The following GINS2 variants were observed in gnomAD, a reference collection of about 807,000 sequenced individuals.
GINS2 encodes DNA replication complex GINS protein PSF2.
GINS2 carries 23 observed loss-of-function variants against 21.2 expected under a neutral mutation model. The ratio of observed to expected loss-of-function variants is 1.08; its 90% CI spans 0.78 to 1.53. GINS2 has a LOEUF of 1.53. Among genes scored for constraint, GINS2 ranks in the 40% most tolerant of loss-of-function variants. GINS2 has a pLI of 0.00. For synonymous variants in GINS2, 118 were observed against 85.6 expected (o/e 1.38, Z -2.09); for missense variants, 323 against 233.9 (o/e 1.38, Z -2.49).
intron 4 of GINS2, 80 bp from the exon 5 acceptor site, chr16:85,678,417 G>A (rs2053703723): frequency 6.4e-7 from 1 of 1,565,038 alleles, no homozygotes; most frequent in Admixed American, 1.7e-5. Flanking sequence ...ATAAAAATAA[G>A]AAACCAATGA....
At position 85,676,293 on chromosome 16, in the gene GINS2, C is replaced by T. The variant is rs1010056878; in HGVS notation, c.*1919G>A. 6.6e-6 allele frequency: 1 copy of T among 152,298 alleles called. No homozygotes were observed. Among genetic ancestry groups the T allele is most frequent in the African/African-American group, 2.4e-5 (1 of 41,466 alleles). 9.4% of individuals were successfully genotyped at this position (152,298 alleles called of 1,614,324 possible). A position where few individuals can be genotyped will look rare whatever the true frequency, so the allele number is the denominator to read the frequency against. ...ATCTCCGCAGACGGAGCTGCCTCCACTGGCTCAGGCTCTAAGAGGAGGGCA... is the reference window on the plus strand; with the variant it reads ...ATCTCCGCAGACGGAGCTGCCTCCATTGGCTCAGGCTCTAAGAGGAGGGCA... On this transcript the variant is annotated 3_prime_UTR_variant, in exon 5 of 5. Transcript: ENST00000253462.
Position 85,678,146 on chromosome 16 carries a change from C to T in GINS2, c.*66G>A. 2 of 1,472,758 alleles carry T rather than the reference C, an allele frequency of 1.4e-6. No individual in the cohort carries two copies. Among genetic ancestry groups the T allele is most frequent in the Non-Finnish European group, 1.9e-6 (2 of 1,066,460 alleles). 91.2% of individuals were successfully genotyped at this position (1,472,758 alleles called of 1,614,324 possible). A position where few individuals can be genotyped will look rare whatever the true frequency, so the allele number is the denominator to read the frequency against. On this transcript the variant is annotated 3_prime_UTR_variant, in exon 5 of 5. Transcript: ENST00000253462. ...AGAAGTGTTTCTAGAGCTCCAGAAC[C>T]ACGAGTACCTCATCACGTCCTGAGC...
chr16:85,678,397 ACT>A (rs2053703548), intron 4 of GINS2, 60 bp from the exon 5 acceptor site: 1 of 1,590,056 alleles, frequency 6.3e-7, no homozygotes, highest in South Asian at 1.1e-5. Flanking sequence ...AAAAAGGTAA[ACT>A]CTACTGAATA....
chr16:85,685,309 ACAC>A, intron 2 of GINS2, among the ~76,000 whole-genome samples: 1 of 152,282 alleles, frequency 6.6e-6, no homozygotes, highest in Middle Eastern at 3.4e-3. Context: ...AAAGTGCCAG[ACAC>A]TGATTTTAAA....
At chr16:85,679,730 C>T (rs994748400) in intron 3 of GINS2, among the ~76,000 whole-genome samples, 1 of 152,200 alleles carries the variant, frequency 6.6e-6, no homozygotes, top group Non-Finnish European at 1.5e-5. Context: ...GATAGGCCCC[C>T]TCACCTAGCT....
At chr16:85,687,731 C>G (rs1598764179) in intron 1 of GINS2, 157 bp from the exon 2 acceptor site, 7 of 427,122 alleles carry the variant, frequency 1.6e-5, no homozygotes, top group Non-Finnish European at 3.1e-5. Context: ...GAACAAAGCG[C>G]CTCCTGAGCG....
rs772640166 is a variant in GINS2 at position 85,687,584 on chromosome 16, G to C, written c.91-10C>G. The C allele has an allele frequency of 6.1e-6, 9 of 1,464,930 alleles. No homozygotes were observed. In the South Asian group the frequency reaches 1.0e-4, roughly 17 times the overall value. 90.7% of individuals were successfully genotyped at this position (1,464,930 alleles called of 1,614,324 possible). A position where few individuals can be genotyped will look rare whatever the true frequency, so the allele number is the denominator to read the frequency against. On this transcript the variant is annotated splice_polypyrimidine_tract_variant and intron_variant, in intron 1 of 4. Coordinates refer to ENST00000253462, the MANE Select transcript of GINS2 (RefSeq NM_016095.3). ...AAGGCCCCAGGTCCCCCTGCCAAAA[G>C]TAAAACAATTCCCCGTAAGATTGAA...
rs570658284 is a variant in GINS2 at position 85,678,124 on chromosome 16, A to C, written c.*88T>G. 1.8e-6 allele frequency: 2 copies of C among 1,124,974 alleles called. No homozygotes were observed. The highest frequency in any genetic ancestry group is 3.1e-5 in the African/African-American group (2 of 64,432). The allele number at this position is 1,124,974 out of a possible 1,614,324, so 69.7% of individuals were successfully genotyped here. Reference sequence around the variant, plus strand: ...CATCACACATTTTTCATGCATCAGAAGTGTTTCTAGAGCTCCAGAACCACG... The same window carrying C: ...CATCACACATTTTTCATGCATCAGACGTGTTTCTAGAGCTCCAGAACCACG... On this transcript the variant is annotated 3_prime_UTR_variant, in exon 5 of 5. Coordinates refer to ENST00000253462, the MANE Select transcript of GINS2 (RefSeq NM_016095.3).
Position 85,688,905 on chromosome 16 carries a change from G to T in GINS2, c.-7C>A. 6.5e-7 allele frequency: 1 copy of T among 1,531,130 alleles called. No homozygotes were observed. The highest frequency in any genetic ancestry group is 8.8e-7 in the Non-Finnish European group (1 of 1,135,712). 94.8% of individuals were successfully genotyped at this position (1,531,130 alleles called of 1,614,324 possible). On this transcript the variant is annotated 5_prime_UTR_variant, in exon 1 of 5. Transcript: ENST00000253462. ...CGACCTCGGCAGCGTCCATGGCGGC[G>T]CGAGCTGCAGGCCAGAGCCTCACGG...
chr16:85,685,681 A>AAAAACAAAACAAAAAAAACAAC (rs1567792824), intron 2 of GINS2, among the ~76,000 whole-genome samples: 3 of 147,950 alleles, frequency 2.0e-5, no homozygotes, highest in African/African-American at 7.6e-5. Flanking sequence ...AAAAAAAAAA[A>AAAAACAAAACAAAAAAAACAAC]AAAAAAAAAA....
rs1370808682 is a variant in GINS2, at chr16:85,677,339, CCT to C, written c.*871_*872del. On this transcript the variant is annotated 3_prime_UTR_variant, in exon 5 of 5. Coordinates refer to ENST00000253462, the MANE Select transcript of GINS2 (RefSeq NM_016095.3). ...TTCTCTTAGGAAAAAAATAATTTCC[CCT>C]GAGCCCACTGTTACCTACAACAAAG... The C allele has an allele frequency of 2.0e-5, 3 of 152,184 alleles. No homozygotes were observed. Among genetic ancestry groups the C allele is most frequent in the African/African-American group, 4.8e-5 (2 of 41,430 alleles). The allele number at this position is 152,184 out of a possible 1,614,324, so 9.4% of individuals were successfully genotyped here.
intron 3 of GINS2, 74 bp from the exon 4 acceptor site, chr16:85,678,740 T>C: frequency 6.9e-7 from 1 of 1,441,296 alleles, no homozygotes; most frequent in Non-Finnish European, 9.6e-7. Context: ...AGTGGCTCTT[T>C]TCAGGCAAAA....
In GINS2 at chr16:85,688,892, C is replaced by G; in HGVS notation, c.7G>C (p.Ala3Pro). The change falls in exon 1 of 5, where the codon GCT becomes CCT. Residue 3 changes from alanine (A) to proline (P), a missense_variant. Ala to Pro is a conservative substitution (Grantham distance 27). Transcript: ENST00000253462. ...TCGGCGAGGAATTCGACCTCGGCAG[C>G]GTCCATGGCGGCGCGAGCTGCAGGC... is the stretch of plus-strand genomic sequence containing the variant. MD[A>P]AEVEFLAEKE... 6.5e-7 allele frequency: 1 copy of G among 1,537,328 alleles called. No homozygotes were observed. The highest frequency in any genetic ancestry group is 8.8e-7 in the Non-Finnish European group (1 of 1,139,996).
intron 2 of GINS2, among the ~76,000 whole-genome samples, chr16:85,682,628 C>A (rs2053743769): frequency 6.6e-6 from 1 of 152,060 alleles, no homozygotes; most frequent in Non-Finnish European, 1.5e-5. Context: ...GGCTAAGCCA[C>A]CCCAGCCGGG....
chr16:85,687,367 G>A (rs2053786137), intron 2 of GINS2, 93 bp downstream of exon 2: 2 of 647,822 alleles, frequency 3.1e-6, no homozygotes, highest in Non-Finnish European at 5.4e-6. Flanking sequence ...GACCTAGTCA[G>A]GAAGGAGGCC....
In GINS2 at chr16:85,678,113, C is replaced by A; in HGVS notation, c.*99G>T. The A allele has an allele frequency of 9.9e-7, 1 of 1,007,482 alleles. No individual in the cohort carries two copies. Among genetic ancestry groups the A allele is most frequent in the South Asian group, 1.5e-5 (1 of 65,078 alleles). 62.4% of individuals were successfully genotyped at this position (1,007,482 alleles called of 1,614,324 possible). A position where few individuals can be genotyped will look rare whatever the true frequency, so the allele number is the denominator to read the frequency against. ...ATTCCTTGCACCATCACACATTTTT[C>A]ATGCATCAGAAGTGTTTCTAGAGCT... On this transcript the variant is annotated 3_prime_UTR_variant, in exon 5 of 5. Coordinates refer to ENST00000253462, the MANE Select transcript of GINS2 (RefSeq NM_016095.3).
chr16:85,683,794 T>C (rs932756173), intron 2 of GINS2, among the ~76,000 whole-genome samples: 2 of 152,220 alleles, frequency 1.3e-5, no homozygotes, highest in Non-Finnish European at 2.9e-5. Flanking sequence ...AATCAGCTTA[T>C]GAAACACCTC....
rs957197851 is a variant in GINS2, at chr16:85,676,281, G to A, written c.*1931C>T. 2 of 152,412 alleles carry A rather than the reference G, an allele frequency of 1.3e-5. No homozygotes were observed. The highest frequency in any genetic ancestry group is 3.9e-4 in the East Asian group (2 of 5,190). 9.4% of individuals were successfully genotyped at this position (152,412 alleles called of 1,614,324 possible). A position where few individuals can be genotyped will look rare whatever the true frequency, so the allele number is the denominator to read the frequency against. On this transcript the variant is annotated 3_prime_UTR_variant, in exon 5 of 5. Transcript: ENST00000253462. ...CAATAACTATACATCTCCGCAGACGGAGCTGCCTCCACTGGCTCAGGCTCT... is the reference window on the plus strand; with the variant it reads ...CAATAACTATACATCTCCGCAGACGAAGCTGCCTCCACTGGCTCAGGCTCT...
Position 85,677,915 on chromosome 16 carries a change from C to T in GINS2, c.*297G>A. 1 of 272,216 alleles carries T rather than the reference C, an allele frequency of 3.7e-6. No homozygotes were observed. Among genetic ancestry groups the T allele is most frequent in the Non-Finnish European group, 7.0e-6 (1 of 142,498 alleles). 16.9% of individuals were successfully genotyped at this position (272,216 alleles called of 1,614,324 possible). On this transcript the variant is annotated 3_prime_UTR_variant, in exon 5 of 5. Transcript: ENST00000253462. ...GTGTGATGGCTTCCATGCAGGAGAC[C>T]CAAGTGGCTCTGCTAGGGAGAATGA...
Sources: gnomAD v4.1 joint callset for allele counts (sites outside exome capture counted in the v4.1 genomes callset) on GRCh38, gnomAD v4.1.1 for gene constraint, MANE v1.5 for transcripts, NCBI Gene and HGNC (gene_info 2026-07-23, HGNC 2026-07-21) for gene names.